The following GRID2 variants were observed in gnomAD, a reference collection of about 807,000 sequenced individuals.
GRID2 encodes glutamate ionotropic receptor delta type subunit 2.
Under a neutral mutation model 114.8 loss-of-function variants are expected in GRID2, and 33 were observed. That is an observed-to-expected ratio of 0.29 (90% CI 0.22 to 0.38). GRID2 has a LOEUF of 0.38. GRID2 is among the 10% of genes least tolerant of loss of function. The pLI, the probability that GRID2 is intolerant of heterozygous loss-of-function variation, is 1.00. For synonymous variants in GRID2, 505 were observed against 449.9 expected (o/e 1.12, Z -1.55); for missense variants, 1,184 against 1,257.7 (o/e 0.94, Z 0.89).
At chr4:92,702,622 C>T (rs1734738706) in intron 2 of GRID2, 1 of 151,826 alleles carries the variant, frequency 6.6e-6, no homozygotes, top group Non-Finnish European at 1.5e-5. Context: ...AAACCAAATC[C>T]CTTAATTTTA....
chr4:93,731,127 A>G (rs918878832), intron 14 of GRID2, among the ~76,000 whole-genome samples: 4 of 152,204 alleles, frequency 2.6e-5, no homozygotes, highest in Non-Finnish European at 4.4e-5. Context: ...ATCTATGCCT[A>G]CCTCGTGATT....
intron 2 of GRID2, among the ~76,000 whole-genome samples, chr4:93,036,074 G>A (rs1344302779): frequency 6.6e-6 from 1 of 151,930 alleles, no homozygotes; most frequent in Non-Finnish European, 1.5e-5. Flanking sequence ...TGCTGGAGAC[G>A]TCTCACCTCT....
intron 4 of GRID2, among the ~76,000 whole-genome samples, chr4:93,191,170 T>C (rs1740942952): frequency 6.6e-6 from 1 of 152,070 alleles, no homozygotes. Context: ...AGATTTTTAT[T>C]CATTTTTAGC....
intron 2 of GRID2, chr4:92,822,920 G>A (rs538832623): frequency 6.6e-6 from 1 of 152,448 alleles, no homozygotes; most frequent in East Asian, 1.9e-4. Flanking sequence ...CTCTGTCATG[G>A]TGGTGGTGAG....
intron 2 of GRID2, among the ~76,000 whole-genome samples, chr4:92,902,732 G>A (rs1418311138): frequency 2.0e-5 from 3 of 151,924 alleles, no homozygotes; most frequent in Admixed American, 6.6e-5. Context: ...TCCCAGTACC[G>A]TTTATTGAAT....
At chr4:92,988,379 T>C (rs1754640337) in intron 2 of GRID2, among the ~76,000 whole-genome samples, 1 of 152,192 alleles carries the variant, frequency 6.6e-6, no homozygotes, top group Non-Finnish European at 1.5e-5. Context: ...GGCAGTTCAC[T>C]ACATAGCAAC....
intron 1 of GRID2, among the ~76,000 whole-genome samples, chr4:92,535,696 G>T (rs966669773): frequency 2.6e-5 from 4 of 152,166 alleles, no homozygotes; most frequent in Non-Finnish European, 5.9e-5. Flanking sequence ...ACCTGCCCTA[G>T]AAATCTATTG....
At chr4:93,771,732 GC>G (rs1228994548) in intron 15 of GRID2, among the ~76,000 whole-genome samples, 1 of 152,122 alleles carries the variant, frequency 6.6e-6, no homozygotes, top group Non-Finnish European at 1.5e-5. Flanking sequence ...GGGTAGAGTT[GC>G]CAAAACCATA....
At chr4:92,476,215 C>CCGGG (rs1722307411) in intron 1 of GRID2, among the ~76,000 whole-genome samples, 1 of 151,858 alleles carries the variant, frequency 6.6e-6, no homozygotes, top group Non-Finnish European at 1.5e-5. Flanking sequence ...TTAGTAGAGA[C>CCGGG]CGGGTTTCAC....
At chr4:92,367,948 T>C (rs946388552) in intron 1 of GRID2, among the ~76,000 whole-genome samples, 1 of 152,068 alleles carries the variant, frequency 6.6e-6, no homozygotes, top group African/African-American at 2.4e-5. Context: ...CCAGGAGTGC[T>C]AGTTGACAGC....
chr4:93,713,259 T>A (rs1728637211), intron 14 of GRID2, among the ~76,000 whole-genome samples: 1 of 152,176 alleles, frequency 6.6e-6, no homozygotes, highest in Non-Finnish European at 1.5e-5. Context: ...TGCTCACCTC[T>A]AGCCTAGAGT....
At chr4:93,638,169 TAATC>T (rs1444222534) in intron 14 of GRID2, among the ~76,000 whole-genome samples, 1 of 152,148 alleles carries the variant, frequency 6.6e-6, no homozygotes, top group Non-Finnish European at 1.5e-5. Flanking sequence ...TTTTTCATAA[TAATC>T]CATTCTGCTT....
intron 10 of GRID2, among the ~76,000 whole-genome samples, chr4:93,445,301 T>C (rs911990544): frequency 2.0e-5 from 3 of 151,994 alleles, no homozygotes; most frequent in African/African-American, 7.2e-5. Context: ...AAACCTGGGA[T>C]AGTCAGCCAG....
intron 10 of GRID2, among the ~76,000 whole-genome samples, chr4:93,443,513 A>G (rs1438742337): frequency 1.3e-5 from 2 of 152,056 alleles, no homozygotes; most frequent in Non-Finnish European, 2.9e-5. Flanking sequence ...AAATTTATCA[A>G]GCATATTATA....
chr4:92,898,514 A>C (rs543243666), intron 2 of GRID2, among the ~76,000 whole-genome samples: 1 of 152,124 alleles, frequency 6.6e-6, no homozygotes, highest in Admixed American at 6.5e-5. Context: ...TTAGCTTAAA[A>C]CCCTGAGCTG....
chr4:92,815,571 A>G (rs562697169), intron 2 of GRID2, among the ~76,000 whole-genome samples: 1 of 152,202 alleles, frequency 6.6e-6, no homozygotes, highest in South Asian at 2.1e-4. Flanking sequence ...AAAATATTGT[A>G]CTAACACATG....
intron 1 of GRID2, among the ~76,000 whole-genome samples, chr4:92,539,563 G>T (rs922521821): frequency 6.6e-6 from 1 of 150,920 alleles, no homozygotes; most frequent in African/African-American, 2.4e-5. Context: ...TTCTCTATTG[G>T]ATTATTTACA....
chr4:92,495,082 G>A (rs1253202596), intron 1 of GRID2, among the ~76,000 whole-genome samples: 3 of 152,080 alleles, frequency 2.0e-5, no homozygotes, highest in African/African-American at 4.8e-5. Context: ...GTAGAGAAAT[G>A]AAAGCATTCA....
At chr4:92,385,733 T>C (rs1729916314) in intron 1 of GRID2, among the ~76,000 whole-genome samples, 1 of 151,602 alleles carries the variant, frequency 6.6e-6, no homozygotes, top group African/African-American at 2.4e-5. Context: ...TAAACATTTG[T>C]GTCCTACTTT....
Sources: gnomAD v4.1 joint callset for allele counts (sites outside exome capture counted in the v4.1 genomes callset) on GRCh38, gnomAD v4.1.1 for gene constraint, MANE v1.5 for transcripts, NCBI Gene and HGNC (gene_info 2026-07-23, HGNC 2026-07-21) for gene names.